Variants in HHAT observed in about 807,000 individuals in gnomAD.
The protein encoded by HHAT is protein-cysteine N-palmitoyltransferase HHAT.
A neutral mutation model predicts 70.8 loss-of-function variants in HHAT; 47 were observed. That is an observed-to-expected ratio of 0.66 (90% CI 0.53 to 0.85). The LOEUF (loss-of-function observed/expected upper bound fraction) is 0.85, where lower values mean the gene tolerates loss of function less well. Among genes scored for constraint, HHAT ranks in the 40% least tolerant of loss-of-function variants. The pLI, the probability that HHAT is intolerant of heterozygous loss-of-function variation, is 0.00. For synonymous variants in HHAT, 228 were observed against 247.6 expected (o/e 0.92, Z 0.74); for missense variants, 609 against 604.8 (o/e 1.01, Z -0.07).
At chr1:210,642,764 G>A (rs1318418617) in intron 11 of HHAT, among the ~76,000 whole-genome samples, 2 of 152,030 alleles carry the variant, frequency 1.3e-5, no homozygotes, top group Non-Finnish European at 2.9e-5. Flanking sequence ...GGTTTTATAT[G>A]TTGTAAATAT....
intron 7 of HHAT, chr1:210,462,847 A>G (rs947535358): frequency 6.6e-6 from 1 of 152,198 alleles, no homozygotes; most frequent in Non-Finnish European, 1.5e-5. Flanking sequence ...CAAAGATCCT[A>G]GTGTAGCATC....
intron 7 of HHAT, among the ~76,000 whole-genome samples, chr1:210,438,475 A>G (rs964107308): frequency 6.6e-6 from 1 of 151,894 alleles, no homozygotes; most frequent in African/African-American, 2.4e-5. Flanking sequence ...TTGAACTCCC[A>G]GAAACTGCTC....
At position 210,386,231 on chromosome 1, in the gene HHAT, T is replaced by TTTC. The variant is rs1491273387; in HGVS notation, c.160-1235_160-1234insCTT. ...TTGCAGGAGTCCTTTTCTTTTTTTC[T>TTTC]TTTTTTTTTTTTTTTTTTTTTTTTT... On this transcript the variant is annotated intron_variant, in intron 3 of 11. Coordinates refer to ENST00000261458, the MANE Select transcript of HHAT (RefSeq NM_018194.6). Among the ~76,000 whole-genome samples, 29 of 29,856 alleles carry TTTC rather than the reference T, an allele frequency of 9.7e-4. 5 individuals are homozygous for TTTC. The highest frequency in any genetic ancestry group is 4.9e-3 in the African/African-American group (18 of 3,652). 19.6% of individuals were successfully genotyped at this position (29,856 alleles called of 152,430 possible).
chr1:210,620,982 G>A (rs931089507), intron 10 of HHAT, among the ~76,000 whole-genome samples: 13 of 151,812 alleles, frequency 8.6e-5, no homozygotes, highest in Non-Finnish European at 1.5e-4. Context: ...AGGAAGCACG[G>A]TAGGAGCTGG....
At chr1:210,505,683 G>A (rs1303003761) in intron 8 of HHAT, among the ~76,000 whole-genome samples, 1 of 152,128 alleles carries the variant, frequency 6.6e-6, no homozygotes, top group African/African-American at 2.4e-5. Flanking sequence ...GGAATGTAAA[G>A]GCTGAACTCA....
intron 2 of HHAT, among the ~76,000 whole-genome samples, chr1:210,355,571 G>A (rs1220601118): frequency 1.3e-5 from 2 of 152,030 alleles, no homozygotes; most frequent in Non-Finnish European, 2.9e-5. Context: ...CCGTGACCAT[G>A]GTATTTTTAA....
At chr1:210,501,949 G>C (rs2094763592) in intron 8 of HHAT, among the ~76,000 whole-genome samples, 1 of 150,904 alleles carries the variant, frequency 6.6e-6, no homozygotes, top group Non-Finnish European at 1.5e-5. Flanking sequence ...TAATATGTGG[G>C]AACCCTCATC....
intron 10 of HHAT, among the ~76,000 whole-genome samples, chr1:210,612,941 A>G (rs919670498): frequency 3.3e-5 from 5 of 152,076 alleles, no homozygotes; most frequent in Admixed American, 3.3e-4. Context: ...GTCTATTCAA[A>G]TTCTTTGTCC....
At chr1:210,405,514 A>G (rs1294773673) in intron 6 of HHAT, among the ~76,000 whole-genome samples, 4 of 152,200 alleles carry the variant, frequency 2.6e-5, no homozygotes, top group African/African-American at 9.7e-5. Context: ...ATACACAGAC[A>G]TGCATGCACA....
At chr1:210,497,506 A>G (rs2148533012) in intron 8 of HHAT, among the ~76,000 whole-genome samples, 2 of 152,274 alleles carry the variant, frequency 1.3e-5, no homozygotes, top group East Asian at 1.9e-4. Flanking sequence ...AGTGAGCCCT[A>G]CTAATTAATT....
intron 7 of HHAT, among the ~76,000 whole-genome samples, chr1:210,461,573 A>T (rs1056908749): frequency 6.6e-6 from 1 of 152,042 alleles, no homozygotes; most frequent in Non-Finnish European, 1.5e-5. Context: ...AAGTGCTGGG[A>T]CTACAGGCGT....
At chr1:210,391,947 G>C (rs932964220) in intron 4 of HHAT, among the ~76,000 whole-genome samples, 1 of 151,982 alleles carries the variant, frequency 6.6e-6, no homozygotes, top group African/African-American at 2.4e-5. Flanking sequence ...ATGGCTCACT[G>C]TAACCTCCAA....
In HHAT at chr1:210,435,630, A is replaced by G. The variant is rs557891482; in HGVS notation, c.856+17305A>G. On this transcript the variant is annotated intron_variant, in intron 7 of 11. Coordinates refer to ENST00000261458, the MANE Select transcript of HHAT (RefSeq NM_018194.6). ...CTCCTTTCTTTACATCTTCACCAGC[A>G]TCTGTTATTTTTTTGATAAAAGCCA... 2.6e-5 allele frequency among the ~76,000 whole-genome samples: 4 copies of G among 151,818 alleles called. 1 individual carries two copies. Among genetic ancestry groups the G allele is most frequent in the African/African-American group, 9.7e-5 (4 of 41,164 alleles).
chr1:210,429,022 C>A (rs2093163456), intron 7 of HHAT, among the ~76,000 whole-genome samples: 1 of 151,828 alleles, frequency 6.6e-6, no homozygotes, highest in Non-Finnish European at 1.5e-5. Flanking sequence ...AAAGACAAAG[C>A]TTCATAGATT....
intron 7 of HHAT, among the ~76,000 whole-genome samples, chr1:210,420,464 G>C (rs1426920032): frequency 2.6e-5 from 4 of 152,048 alleles, no homozygotes; most frequent in Non-Finnish European, 5.9e-5. Context: ...GTCTCTTGGA[G>C]CTCATGTGTA....
chr1:210,478,183 T>C (rs1350137131), intron 8 of HHAT, among the ~76,000 whole-genome samples: 1 of 152,208 alleles, frequency 6.6e-6, no homozygotes, highest in Admixed American at 6.5e-5. Context: ...CTAATAGGAT[T>C]GATCCAGAGG....
rs375133550 is a variant in HHAT, at chr1:210,567,868, C to T, written c.1044-20030C>T. 2.0e-5 allele frequency among the ~76,000 whole-genome samples: 3 copies of T among 152,204 alleles called. No individual in the cohort carries two copies. The East Asian group carries it at 5.8e-4, about 29-fold the overall frequency. On this transcript the variant is annotated intron_variant, in intron 9 of 11. Transcript: ENST00000261458. Reference sequence around the variant, plus strand: ...TTTATAGCTGGGTGCCCTTGGTTCTCAGGTAACTTGTTAAGTGTGAAATTA... The same window carrying T: ...TTTATAGCTGGGTGCCCTTGGTTCTTAGGTAACTTGTTAAGTGTGAAATTA...
At chr1:210,374,204 TTC>T (rs1491254992) in intron 3 of HHAT, 6 of 152,210 alleles carry the variant, frequency 3.9e-5, no homozygotes, top group Non-Finnish European at 5.9e-5. Flanking sequence ...ACTGATTTGT[TTC>T]TCTCCACGGA....
At chr1:210,630,400 T>G (rs1670639943) in intron 11 of HHAT, among the ~76,000 whole-genome samples, 4 of 152,216 alleles carry the variant, frequency 2.6e-5, no homozygotes, top group Admixed American at 2.6e-4. Flanking sequence ...TACCATAGCT[T>G]CTTTCTAAAG....
Sources: gnomAD v4.1 joint callset for allele counts (sites outside exome capture counted in the v4.1 genomes callset) on GRCh38, gnomAD v4.1.1 for gene constraint, MANE v1.5 for transcripts, NCBI Gene and HGNC (gene_info 2026-07-23, HGNC 2026-07-21) for gene names.